Variants in THSD7A observed in about 807,000 individuals in gnomAD.
The protein encoded by THSD7A is thrombospondin type-1 domain-containing protein 7A.
A neutral mutation model predicts 231.3 loss-of-function variants in THSD7A; 96 were observed. The ratio of observed to expected loss-of-function variants is 0.41; its 90% confidence interval spans 0.35 to 0.49. The LOEUF (loss-of-function observed/expected upper bound fraction) is 0.49, where lower values mean the gene tolerates loss of function less well. THSD7A is among the 20% of genes least tolerant of loss of function. The pLI is 0.05. For synonymous variants in THSD7A, 940 were observed against 743.3 expected, an observed-to-expected ratio of 1.26 and a Z score of -4.30; for missense variants, 2,290 against 2,070.2, an observed-to-expected ratio of 1.11 and a Z score of -2.06.
chr7:11,668,737 G>A (rs1469413810), intron 1 of THSD7A, among the ~76,000 whole-genome samples: 2 of 152,118 alleles, frequency 1.3e-5, no homozygotes, highest in African/African-American at 4.8e-5. Context: ...GTATGAATAA[G>A]GAACGGCGGG....
At chr7:11,823,755 A>T (rs1784941228) in intron 1 of THSD7A, among the ~76,000 whole-genome samples, 1 of 151,936 alleles carries the variant, frequency 6.6e-6, no homozygotes, top group Non-Finnish European at 1.5e-5. Flanking sequence ...TCTCAGCTAG[A>T]TCATTATTGG....
intron 1 of THSD7A, among the ~76,000 whole-genome samples, chr7:11,654,053 G>C (rs572106895): frequency 2.6e-5 from 4 of 151,924 alleles, no homozygotes; most frequent in African/African-American, 9.6e-5. Flanking sequence ...TTCTGTGTAG[G>C]AACTCAAAGT....
Position 11,412,660 on chromosome 7 carries a change from T to A in THSD7A, c.3678A>T (p.Val1226=), listed in dbSNP as rs1783824461. ...NKNCYHYDYN[V]TDWSTCQLSE... is the part of the protein sequence containing the mutation. Reference sequence around the variant, plus strand: ...ATCAGATGATGATCCATGTACCTGTTACATTATAATCATAGTGGTAGCAGT... The same window carrying A: ...ATCAGATGATGATCCATGTACCTGTAACATTATAATCATAGTGGTAGCAGT... The change falls in exon 18 of 28, where the codon GTA becomes GTT. Residue 1226 remains valine (V), a synonymous_variant. Transcript: ENST00000423059. 1 of 1,613,658 alleles carries A rather than the reference T, an allele frequency of 6.2e-7. No individual in the cohort carries two copies. Among genetic ancestry groups the A allele is most frequent in the Non-Finnish European group, 8.5e-7 (1 of 1,179,778 alleles).
chr7:11,451,282 T>C (rs370694222), intron 11 of THSD7A, among the ~76,000 whole-genome samples: 2 of 152,130 alleles, frequency 1.3e-5, no homozygotes, highest in South Asian at 2.1e-4. Flanking sequence ...GCATAAACAT[T>C]TTTGAGACAA....
chr7:11,683,234 C>T (rs536988163), intron 1 of THSD7A, among the ~76,000 whole-genome samples: 8 of 151,218 alleles, frequency 5.3e-5, no homozygotes, highest in Admixed American at 1.3e-4. Flanking sequence ...TACATGGAAA[C>T]GAAACAACTT....
intron 1 of THSD7A, among the ~76,000 whole-genome samples, chr7:11,667,983 G>A (rs1232581352): frequency 1.3e-5 from 2 of 152,172 alleles, no homozygotes; most frequent in Admixed American, 1.3e-4. Context: ...TGAACTCAAT[G>A]CATCATTTTG....
intron 1 of THSD7A, among the ~76,000 whole-genome samples, chr7:11,765,126 T>G (rs1031486146): frequency 1.3e-5 from 2 of 152,146 alleles, no homozygotes; most frequent in East Asian, 3.8e-4. Flanking sequence ...AAACTGATAC[T>G]GGAAAATGTG....
At chr7:11,758,516 G>A (rs1482489586) in intron 1 of THSD7A, among the ~76,000 whole-genome samples, 7 of 152,066 alleles carry the variant, frequency 4.6e-5, no homozygotes, top group East Asian at 1.9e-4. Flanking sequence ...TAAAAGTTAC[G>A]AGTGTACTGA....
intron 2 of THSD7A, among the ~76,000 whole-genome samples, chr7:11,611,711 T>C (rs1213157958): frequency 6.6e-6 from 1 of 151,664 alleles, no homozygotes; most frequent in African/African-American, 2.4e-5. Flanking sequence ...AAGTAATATA[T>C]GAAAACACAG....
rs192054002 is a variant in THSD7A, at chr7:11,495,345, A to G, written c.1823-13363T>C. Among the ~76,000 whole-genome samples, 421 of 152,214 alleles carry G rather than the reference A, an allele frequency of 2.8e-3. 2 individuals are homozygous for G. The highest frequency in any genetic ancestry group is 9.7e-3 in the African/African-American group (405 of 41,560). On this transcript the variant is annotated intron_variant, in intron 6 of 27. Transcript: ENST00000423059. ...TAAACTTTAGAAGACCCTTGGCCGT[A>G]GGTGCTTATGAGAAAAATGTTAAAA...
chr7:11,395,221 A>G (rs567070050), intron 23 of THSD7A, among the ~76,000 whole-genome samples: 1 of 152,304 alleles, frequency 6.6e-6, no homozygotes, highest in African/African-American at 2.4e-5. Context: ...CAAAAGAGAC[A>G]AAGAAGAGCA....
intron 13 of THSD7A, among the ~76,000 whole-genome samples, chr7:11,437,504 GA>G (rs1318789010): frequency 6.6e-6 from 1 of 151,930 alleles, no homozygotes; most frequent in East Asian, 1.9e-4. Context: ...CATTTGAAAG[GA>G]AAAAAAGATT....
rs761081911 is a variant in THSD7A at position 11,469,997 on chromosome 7, A to G, written c.2253-3T>C. ...CAGGTCGAAGGCTTTCAGGACATCT[A>G]GAAAGGCAAAGGGGAATTATTAGGC... On this transcript the variant is annotated splice_polypyrimidine_tract_variant and splice_region_variant and intron_variant, in intron 8 of 27. Coordinates refer to ENST00000423059, the MANE Select transcript of THSD7A (RefSeq NM_015204.3). The G allele has an allele frequency of 3.7e-5, 58 of 1,552,870 alleles. 1 individual carries two copies. The South Asian group carries it at 6.4e-4, about 17-fold the overall frequency.
chr7:11,651,486 A>ACTATCTATCTATCTAT (rs3031459), intron 1 of THSD7A, among the ~76,000 whole-genome samples: 19 of 149,780 alleles, frequency 1.3e-4, no homozygotes, highest in East Asian at 2.0e-4. Flanking sequence ...CTATCTATCA[A>ACTATCTATCTATCTAT]CTATCTATCT....
At chr7:11,409,846 G>A (rs370561533) in intron 19 of THSD7A, among the ~76,000 whole-genome samples, 2 of 151,990 alleles carry the variant, frequency 1.3e-5, no homozygotes, top group African/African-American at 2.4e-5. Flanking sequence ...GGGTTCAAGC[G>A]ATTCTCCTGC....
chr7:11,457,950 G>C (rs1281434141), intron 11 of THSD7A, among the ~76,000 whole-genome samples: 1 of 151,982 alleles, frequency 6.6e-6, no homozygotes, highest in African/African-American at 2.4e-5. Flanking sequence ...TTCTTGTTAG[G>C]TGACATTAAC....
At chr7:11,823,052 C>G (rs1363122226) in intron 1 of THSD7A, among the ~76,000 whole-genome samples, 1 of 151,954 alleles carries the variant, frequency 6.6e-6, no homozygotes, top group Non-Finnish European at 1.5e-5. Context: ...AAGAGTTTTC[C>G]ATAGGTTTTC....
chr7:11,398,307 G>A (rs916806487), intron 23 of THSD7A, among the ~76,000 whole-genome samples: 6 of 151,984 alleles, frequency 3.9e-5, no homozygotes, highest in South Asian at 4.2e-4. Flanking sequence ...AACACTGCAC[G>A]TTCTCATTCA....
In THSD7A at chr7:11,590,973, A is replaced by G. The variant is rs967693617; in HGVS notation, c.1272-332T>C. ...CCAGGCTTGCCCTTTCTTGTTGCCT[A>G]TAAACAAAGGTGGATTGAATATGAA... On this transcript the variant is annotated intron_variant, in intron 3 of 27. Transcript: ENST00000423059. This position sits in a 1 kb window ranked among gnomAD's most constrained non-coding sequence, Gnocchi z 4.4. Among the ~76,000 whole-genome samples, 1 of 152,182 alleles carries G rather than the reference A, an allele frequency of 6.6e-6. No individual in the cohort carries two copies. Among genetic ancestry groups the G allele is most frequent in the Non-Finnish European group, 1.5e-5 (1 of 68,034 alleles).
Sources: gnomAD v4.1 joint callset for allele counts (sites outside exome capture counted in the v4.1 genomes callset) on GRCh38, gnomAD v4.1.1 for gene constraint, Gnocchi (gnomAD v3.1) non-coding constraint, MANE v1.5 for transcripts, NCBI Gene and HGNC (gene_info 2026-07-23, HGNC 2026-07-21) for gene names.